The following OSBPL1A variants were observed in gnomAD, a reference collection of about 807,000 sequenced individuals.
OSBPL1A encodes the protein oxysterol-binding protein-related protein 1.
In OSBPL1A, 80 loss-of-function variants were observed where a neutral mutation model predicts 137.1. The observed-to-expected ratio is 0.58, with a 90% CI of 0.49 to 0.70. The LOEUF (loss-of-function observed/expected upper bound fraction) is 0.70. Ranked by LOEUF, OSBPL1A falls within the 30% of genes least tolerant of loss-of-function variation. The probability of loss-of-function intolerance (pLI) is 0.00; values close to 1 mark genes in which losing one functional copy is unlikely to be tolerated. For missense variants in OSBPL1A, 970 were observed against 1,129.4 expected (o/e 0.86, Z 2.02); for synonymous variants, 365 against 389.7 (o/e 0.94, Z 0.75).
intron 26 of OSBPL1A, among the ~76,000 whole-genome samples, chr18:24,166,323 A>G (rs2086145206): frequency 6.6e-6 from 1 of 152,204 alleles, no homozygotes; most frequent in Non-Finnish European, 1.5e-5. Flanking sequence ...TAGTCGGAAT[A>G]TGCCTCTGGC....
intron 21 of OSBPL1A, among the ~76,000 whole-genome samples, chr18:24,175,996 CTA>C (rs2086435368): frequency 6.6e-6 from 1 of 152,226 alleles, no homozygotes; most frequent in Non-Finnish European, 1.5e-5. Flanking sequence ...TCGCATTAAT[CTA>C]TACTTTGTCT....
intron 15 of OSBPL1A, among the ~76,000 whole-genome samples, chr18:24,248,549 A>G (rs1427429771): frequency 6.6e-6 from 1 of 152,204 alleles, no homozygotes; most frequent in Non-Finnish European, 1.5e-5. Context: ...GGGAAAGAAG[A>G]TAAGAACTTG....
intron 13 of OSBPL1A, among the ~76,000 whole-genome samples, chr18:24,306,551 T>C (rs1381098856): frequency 6.6e-6 from 1 of 152,178 alleles, no homozygotes; most frequent in Non-Finnish European, 1.5e-5. Flanking sequence ...TACTGTATGA[T>C]TCCATTTACA....
intron 1 of OSBPL1A, among the ~76,000 whole-genome samples, chr18:24,393,212 G>A (rs139222234): frequency 0.012 from 1,836 of 152,170 alleles, 15 homozygotes; most frequent in Non-Finnish European, 0.019. Context: ...CATGTGCATA[G>A]ATACACATAT....
chr18:24,256,964 CAAAAAAAA>C (rs201880387), intron 15 of OSBPL1A, among the ~76,000 whole-genome samples: 674 of 29,446 alleles, frequency 0.023, 7 homozygotes, highest in Middle Eastern at 0.067. Flanking sequence ...GAAGAGGATG[CAAAAAAAA>C]AAAAAAAAAA....
In OSBPL1A at chr18:24,280,863, A is replaced by T. The variant is rs968075230; in HGVS notation, c.1260T>A (p.Asn420Lys). 6.2e-7 allele frequency: 1 copy of T among 1,603,068 alleles called. No homozygotes were observed. Among genetic ancestry groups the T allele is most frequent in the Non-Finnish European group, 8.5e-7 (1 of 1,176,822 alleles). ...CTACCCCTTCTTGTTTGGTGAAGAG[A>T]TTAAGGCAATCAGTCAAAGCTACAC... is the stretch of plus-strand genomic sequence containing the variant. ...ETCVALTDCLNLFTKQEGVRN... is the reference protein window; with the variant it reads ...ETCVALTDCLKLFTKQEGVRN... The change falls in exon 15 of 28, where the codon AAT (asparagine) becomes AAA (lysine). Residue 420 changes from asparagine to lysine, a missense_variant. Asn to Lys is a moderately conservative substitution (Grantham distance 94). This residue lies in a region of OSBPL1A where 647 missense variants were observed against 672.6 expected (regional missense o/e 0.96). Coordinates refer to ENST00000319481, the MANE Select transcript of OSBPL1A (RefSeq NM_080597.4).
intron 4 of OSBPL1A, among the ~76,000 whole-genome samples, chr18:24,365,839 CAAGTAACACTA>C (rs1386558489): frequency 1.3e-5 from 2 of 152,200 alleles, no homozygotes; most frequent in Non-Finnish European, 2.9e-5. Context: ...CCTACTACAG[CAAGTAACACTA>C]AAGACTTCTG....
intron 4 of OSBPL1A, chr18:24,364,999 C>A (rs1051784692): frequency 1.6e-5 from 2 of 127,320 alleles, no homozygotes; most frequent in Admixed American, 2.0e-4. Flanking sequence ...GGTGAAAGAG[C>A]GAGACCCTGT....
chr18:24,299,271 T>G (rs1424743124), intron 14 of OSBPL1A, among the ~76,000 whole-genome samples: 1 of 152,220 alleles, frequency 6.6e-6, no homozygotes, highest in Non-Finnish European at 1.5e-5. Context: ...GTATTCATCA[T>G]GTTAGTCGAT....
chr18:24,310,471 A>G (rs1034524477), intron 13 of OSBPL1A, among the ~76,000 whole-genome samples: 2 of 134,024 alleles, frequency 1.5e-5, no homozygotes, highest in African/African-American at 6.1e-5. Flanking sequence ...GTGCGGTGGC[A>G]GGCGCCTGTA....
intron 1 of OSBPL1A, among the ~76,000 whole-genome samples, chr18:24,381,391 G>A (rs1362572070): frequency 4.6e-5 from 7 of 152,132 alleles, no homozygotes; most frequent in African/African-American, 1.2e-4. Context: ...TGCTAAAACC[G>A]GATTTTACAA....
rs529648128 is a variant in OSBPL1A, at chr18:24,241,074, T to C, written c.1282-1692A>G. Among the ~76,000 whole-genome samples the C allele has an allele frequency of 3.3e-5, 5 of 152,356 alleles. No homozygotes were observed. The South Asian group carries it at 8.3e-4, about 25-fold the overall frequency. The stretch of plus-strand genomic sequence containing the variant: ...GTGTTGGGAAAACTGGCTAGCCATA[T>C]GCAGAAAACTGAAACTGGACCCCTT... On this transcript the variant is annotated intron_variant, in intron 15 of 27. Coordinates refer to ENST00000319481, the MANE Select transcript of OSBPL1A (RefSeq NM_080597.4).
intron 4 of OSBPL1A, among the ~76,000 whole-genome samples, chr18:24,350,357 T>C (rs2091417827): frequency 6.6e-6 from 1 of 152,226 alleles, no homozygotes; most frequent in South Asian, 2.1e-4. Flanking sequence ...TTTGAGTATT[T>C]GCCACCTGCC....
At chr18:24,282,660 C>A (rs942492022) in intron 14 of OSBPL1A, among the ~76,000 whole-genome samples, 1 of 152,122 alleles carries the variant, frequency 6.6e-6, no homozygotes, top group East Asian at 1.9e-4. Context: ...AAGAAATGCA[C>A]TTAGTTGAAA....
rs775433072 is a variant in OSBPL1A, at chr18:24,175,104, G to GTATATATATATATATATA, written c.2094-2622_2094-2621insTATATATATATATATATA. ...GACTTCATGTGCTTATTTGCCATGT[G>GTATATATATATATATATA]TATGTATATATATATATATATATAT... is the stretch of plus-strand genomic sequence containing the variant. On this transcript the variant is annotated intron_variant, in intron 21 of 27. Coordinates refer to ENST00000319481, the MANE Select transcript of OSBPL1A (RefSeq NM_080597.4). Among the ~76,000 whole-genome samples, 11 of 42,712 alleles carry GTATATATATATATATATA rather than the reference G, an allele frequency of 2.6e-4. 1 individual carries two copies. The South Asian group carries it at 2.8e-3, about 11-fold the overall frequency. The allele number at this position is 42,712 out of a possible 152,430, so 28.0% of individuals were successfully genotyped here. A position where few individuals can be genotyped will look rare whatever the true frequency, so the allele number is the denominator to read the frequency against.
At chr18:24,245,364 C>T (rs1434996572) in intron 15 of OSBPL1A, among the ~76,000 whole-genome samples, 1 of 152,132 alleles carries the variant, frequency 6.6e-6, no homozygotes, top group East Asian at 1.9e-4. Context: ...AGTGCTGAGA[C>T]TAGGTGTGAG....
chr18:24,303,767 A>G, intron 13 of OSBPL1A, 49 bp from the exon 14 acceptor site: 1 of 1,452,352 alleles, frequency 6.9e-7, no homozygotes, highest in Non-Finnish European at 9.6e-7. Flanking sequence ...AAAAGATTTT[A>G]CATTACTTAT....
At position 24,271,964 on chromosome 18, in the gene OSBPL1A, G is replaced by C. The variant is rs1009130220; in HGVS notation, c.1281+8878C>G. 3.6e-5 allele frequency: 35 copies of C among 982,234 alleles called. No individual in the cohort carries two copies. The highest frequency in any genetic ancestry group is 4.1e-5 in the Non-Finnish European group (34 of 828,930). The allele number at this position is 982,234 out of a possible 1,614,324, so 60.8% of individuals were successfully genotyped here. A position where few individuals can be genotyped will look rare whatever the true frequency, so the allele number is the denominator to read the frequency against. On this transcript the variant is annotated intron_variant, in intron 15 of 27. Transcript: ENST00000319481. The surrounding 1 kb of genome is among the most constrained non-coding windows in gnomAD (Gnocchi z 4.0). ...GCTCGGCCGCAGACCCGCCCTCCGG[G>C]GCTCGCGGGGAGAGCGCGGGCGGGC...
intron 14 of OSBPL1A, among the ~76,000 whole-genome samples, chr18:24,302,013 G>T (rs1479371129): frequency 6.6e-6 from 1 of 152,060 alleles, no homozygotes; most frequent in African/African-American, 2.4e-5. Context: ...TGGATCACAA[G>T]GTCAGGAGAT....
Sources: allele counts gnomAD v4.1 joint callset (sites outside exome capture counted in the v4.1 genomes callset), GRCh38; gene constraint gnomAD v4.1.1; regional missense constraint gnomAD v4.1.1; non-coding constraint Gnocchi (gnomAD v3.1); transcripts MANE v1.5; gene names NCBI Gene and HGNC (gene_info 2026-07-23, HGNC 2026-07-21).